Variants in CLEC7A observed in about 807,000 individuals in gnomAD.
CLEC7A encodes the protein C-type lectin domain family 7 member A.
CLEC7A carries 25 observed loss-of-function variants against 26.9 expected under a neutral mutation model. The observed-to-expected ratio is 0.93, with a 90% CI of 0.68 to 1.30. The LOEUF is 1.30. Among genes scored for constraint, CLEC7A ranks in the 50% most tolerant of loss-of-function variants. CLEC7A has a pLI of 0.00. For synonymous variants in CLEC7A, 100 were observed against 99.5 expected (o/e 1.01, Z -0.03); for missense variants, 275 against 286.7 (o/e 0.96, Z 0.29).
chr12:10,121,967 T>C (rs59051690), intron 5 of CLEC7A, among the ~76,000 whole-genome samples: 20,104 of 151,892 alleles, frequency 0.13, 1,782 homozygotes, highest in African/African-American at 0.26. Flanking sequence ...GAGATCGCCA[T>C]TGCACTCCAG....
In CLEC7A at chr12:10,116,797, T is replaced by C. The variant is rs531257836; in HGVS notation, c.*1661A>G. ...ATGGGTTTTTTGATAAGAGTTTTTT[T>C]TTATTGAAATGAAATCCACATAACA... On this transcript the variant is annotated 3_prime_UTR_variant, in exon 6 of 6. Coordinates refer to ENST00000304084, the MANE Select transcript of CLEC7A (RefSeq NM_197947.3). 2.6e-5 allele frequency: 4 copies of C among 151,846 alleles called. No homozygotes were observed. The highest frequency in any genetic ancestry group is 9.7e-5 in the African/African-American group (4 of 41,116). The allele number at this position is 151,846 out of a possible 1,614,324, so 9.4% of individuals were successfully genotyped here. A position where few individuals can be genotyped will look rare whatever the true frequency, so the allele number is the denominator to read the frequency against.
chr12:10,118,505 A>C lies in CLEC7A; in HGVS notation c.697T>G (p.Cys233Gly). ...IHVSVIYDQL[C>G]SVPSYSICEK... The stretch of plus-strand genomic sequence containing the variant: ...CAAATACTATATGAGGGCACACTAC[A>C]CAGTTGGTCATAAATGACTGACACG... Residue 233 changes from cysteine (C) to glycine (G), a missense_variant, in exon 6 of 6, where the codon TGT becomes GGT. Cys to Gly is a radical substitution (Grantham distance 159). Transcript: ENST00000304084. The C allele has an allele frequency of 6.2e-7, 1 of 1,612,334 alleles. No individual in the cohort carries two copies. Among genetic ancestry groups the C allele is most frequent in the East Asian group, 2.2e-5 (1 of 44,862 alleles).
At chr12:10,120,796 C>G (rs1264443752) in intron 5 of CLEC7A, among the ~76,000 whole-genome samples, 1 of 149,458 alleles carries the variant, frequency 6.7e-6, no homozygotes, top group Non-Finnish European at 1.5e-5. Flanking sequence ...GCTCAGTCAC[C>G]CAGGCTGGAG....
chr12:10,128,453 G>C (rs1215885353), intron 1 of CLEC7A, among the ~76,000 whole-genome samples: 1 of 152,106 alleles, frequency 6.6e-6, no homozygotes, highest in East Asian at 1.9e-4. Flanking sequence ...TACAGGTCTT[G>C]ACATTAGTAG....
intron 5 of CLEC7A, among the ~76,000 whole-genome samples, chr12:10,121,155 A>G (rs1045926526): frequency 6.6e-6 from 1 of 151,984 alleles, no homozygotes; most frequent in African/African-American, 2.4e-5. Flanking sequence ...GAAGAACATA[A>G]AAATGTCAGT....
At chr12:10,126,927 A>AT in intron 2 of CLEC7A, 1 of 795,622 alleles carries the variant, frequency 1.3e-6, no homozygotes, top group Non-Finnish European at 1.7e-6. Context: ...AAAAAAAAAA[A>AT]GAAAAGAAAA....
Position 10,116,845 on chromosome 12 carries a change from C to T in CLEC7A, c.*1613G>A, listed in dbSNP as rs12304716. The stretch of plus-strand genomic sequence containing the variant: ...ACATAAAATCATCCATTTTAAACTG[C>T]ATAATTTAGTAAAATTGGTACAATT... On this transcript the variant is annotated 3_prime_UTR_variant, in exon 6 of 6. Transcript: ENST00000304084. The T allele has an allele frequency of 6.6e-6, 1 of 151,878 alleles. No homozygotes were observed. The highest frequency in any genetic ancestry group is 1.9e-4 in the East Asian group (1 of 5,176). 9.4% of individuals were successfully genotyped at this position (151,878 alleles called of 1,614,324 possible). A position where few individuals can be genotyped will look rare whatever the true frequency, so the allele number is the denominator to read the frequency against.
At position 10,126,563 on chromosome 12, in the gene CLEC7A, G is replaced by T; in HGVS notation, c.340+8C>A. On this transcript the variant is annotated splice_region_variant and intron_variant, in intron 3 of 5. Coordinates refer to ENST00000304084, the MANE Select transcript of CLEC7A (RefSeq NM_197947.3). ...AGTCAAGATTCCGTCCTTTAACTAT[G>T]CCCTTGCCTGTGGTTTTGACAGCTT... 6.2e-7 allele frequency: 1 copy of T among 1,602,744 alleles called. No homozygotes were observed. The highest frequency in any genetic ancestry group is 8.5e-7 in the Non-Finnish European group (1 of 1,174,970).
intron 5 of CLEC7A, among the ~76,000 whole-genome samples, chr12:10,121,587 A>G (rs1259738269): frequency 6.6e-6 from 1 of 152,226 alleles, no homozygotes; most frequent in Admixed American, 6.5e-5. Context: ...TTGTAAATTA[A>G]GAAATGCATT....
Position 10,126,192 on chromosome 12 carries a change from T to C in CLEC7A, c.340+379A>G, listed in dbSNP as rs1052264350. 1.1e-5 allele frequency: 11 copies of C among 984,526 alleles called. No individual in the cohort carries two copies. The African/African-American group carries it at 1.9e-4, about 17-fold the overall frequency. 61.0% of individuals were successfully genotyped at this position (984,526 alleles called of 1,614,324 possible). A position where few individuals can be genotyped will look rare whatever the true frequency, so the allele number is the denominator to read the frequency against. ...TCTCCCTGTCATTCTTCCTTTCTAA[T>C]GTCATATTTCCTATTCTAACTGTAT... On this transcript the variant is annotated intron_variant, in intron 3 of 5. Coordinates refer to ENST00000304084, the MANE Select transcript of CLEC7A (RefSeq NM_197947.3).
chr12:10,128,040 G>C (rs568550477), intron 1 of CLEC7A, among the ~76,000 whole-genome samples, 195 bp from the exon 2 acceptor site: 1 of 112,096 alleles, frequency 8.9e-6, no homozygotes, highest in Admixed American at 9.9e-5. Flanking sequence ...GGGAGACCCT[G>C]TCCCTACCAA....
rs550988605 is a variant in CLEC7A, at chr12:10,116,822, A to G, written c.*1636T>C. The G allele has an allele frequency of 2.0e-5, 3 of 152,330 alleles. No individual in the cohort carries two copies. The highest frequency in any genetic ancestry group is 2.0e-4 in the Admixed American group (3 of 15,306). 9.4% of individuals were successfully genotyped at this position (152,330 alleles called of 1,614,324 possible). On this transcript the variant is annotated 3_prime_UTR_variant, in exon 6 of 6. Coordinates refer to ENST00000304084, the MANE Select transcript of CLEC7A (RefSeq NM_197947.3). ...TTTATTGAAATGAAATCCACATAAC[A>G]TAAAATCATCCATTTTAAACTGCAT...
intron 4 of CLEC7A, 184 bp downstream of exon 4, chr12:10,125,113 T>A: frequency 1.5e-6 from 1 of 669,202 alleles, no homozygotes; most frequent in South Asian, 1.5e-5. Flanking sequence ...GGTGGGAGGA[T>A]CACTTGAGCC....
chr12:10,122,658 C>T (rs747760497), intron 5 of CLEC7A, among the ~76,000 whole-genome samples: 9 of 151,834 alleles, frequency 5.9e-5, no homozygotes, highest in Non-Finnish European at 1.0e-4. Flanking sequence ...CCACCACACC[C>T]GGCTAAATTT....
chr12:10,129,577 G>T (rs16910633), intron 1 of CLEC7A, among the ~76,000 whole-genome samples: 2 of 151,874 alleles, frequency 1.3e-5, no homozygotes, highest in African/African-American at 4.8e-5. Context: ...ACATCACGAG[G>T]CTCTCAAATT....
chr12:10,127,690 C>A, intron 2 of CLEC7A, 57 bp downstream of exon 2: 1 of 1,193,944 alleles, frequency 8.4e-7, no homozygotes, highest in South Asian at 1.3e-5. Context: ...GAGTGCCTGG[C>A]ACATAATAAT....
chr12:10,126,129 G>A, intron 3 of CLEC7A: 1 of 958,718 alleles, frequency 1.0e-6, no homozygotes, highest in Non-Finnish European at 1.2e-6. Context: ...TTTTAATATA[G>A]CTTCCTTATT....
At chr12:10,128,675 G>A (rs954374126) in intron 1 of CLEC7A, among the ~76,000 whole-genome samples, 1 of 152,108 alleles carries the variant, frequency 6.6e-6, no homozygotes, top group Non-Finnish European at 1.5e-5. Context: ...ACATATAAAA[G>A]CACCTTGTTT....
At chr12:10,123,533 G>A (rs1393598989) in intron 4 of CLEC7A, among the ~76,000 whole-genome samples, 170 bp from the exon 5 acceptor site, 4 of 150,978 alleles carry the variant, frequency 2.6e-5, no homozygotes, top group East Asian at 1.9e-4. Context: ...AGGCCGAGGC[G>A]GGTAGATCAT....
Sources: allele counts gnomAD v4.1 joint callset (sites outside exome capture counted in the v4.1 genomes callset), GRCh38; gene constraint gnomAD v4.1.1; transcripts MANE v1.5; gene names NCBI Gene and HGNC (gene_info 2026-07-23, HGNC 2026-07-21).